Variants in ESRRB observed in about 807,000 individuals in gnomAD.
ESRRB encodes estrogen related receptor beta, also known as steroid hormone receptor ERR2.
ESRRB carries 16 observed loss-of-function variants against 46.0 expected under a neutral mutation model. That is an observed-to-expected ratio of 0.35 (90% CI 0.24 to 0.53). ESRRB has a LOEUF of 0.53. Among genes scored for constraint, ESRRB ranks in the 20% least tolerant of loss-of-function variants. The pLI is 0.93. For missense variants in ESRRB, 488 were observed against 607.4 expected (o/e 0.80, Z 2.07); for synonymous variants, 246 against 259.6 (o/e 0.95, Z 0.50).
intron 1 of ESRRB, among the ~76,000 whole-genome samples, chr14:76,409,388 T>C (rs1017108118): frequency 6.6e-6 from 1 of 152,020 alleles, no homozygotes; most frequent in Admixed American, 6.5e-5. Context: ...GGAGAAAGGA[T>C]GTTATTTGAC....
chr14:76,357,956 T>G (rs754224365), intron 1 of ESRRB, among the ~76,000 whole-genome samples: 3 of 152,018 alleles, frequency 2.0e-5, no homozygotes, highest in Non-Finnish European at 4.4e-5. Context: ...GTAAGTGAGG[T>G]GACTAGGATA....
intron 3 of ESRRB, among the ~76,000 whole-genome samples, chr14:76,462,898 T>C (rs1040638326): frequency 3.9e-5 from 6 of 152,116 alleles, no homozygotes; most frequent in African/African-American, 1.4e-4. Flanking sequence ...TGACCCCACT[T>C]GGGCCCCAGT....
At chr14:76,378,116 A>C (rs935227280) in intron 1 of ESRRB, among the ~76,000 whole-genome samples, 8 of 152,240 alleles carry the variant, frequency 5.3e-5, no homozygotes, top group African/African-American at 1.9e-4. Context: ...ATCAAGTATG[A>C]CAAATATTGG....
chr14:76,404,571 G>A (rs1329527004), intron 1 of ESRRB: 1 of 152,842 alleles, frequency 6.5e-6, no homozygotes, highest in East Asian at 1.9e-4. Flanking sequence ...ATGGCAGTCA[G>A]CGTTGCAGCC....
At chr14:76,344,792 C>T (rs1016048400) in intron 1 of ESRRB, among the ~76,000 whole-genome samples, 2 of 150,198 alleles carry the variant, frequency 1.3e-5, no homozygotes, top group African/African-American at 4.9e-5. Flanking sequence ...GCGGAAGTTG[C>T]AGTGAGCTGA....
At chr14:76,425,712 TTTTG>T (rs1296368639) in intron 1 of ESRRB, among the ~76,000 whole-genome samples, 5 of 152,036 alleles carry the variant, frequency 3.3e-5, no homozygotes, top group African/African-American at 4.8e-5. Context: ...CCTGCTGGTT[TTTTG>T]TTTGTTTTTT....
chr14:76,444,579 C>A (rs1413016153), intron 2 of ESRRB, among the ~76,000 whole-genome samples: 2 of 150,462 alleles, frequency 1.3e-5, no homozygotes, highest in African/African-American at 4.9e-5. Context: ...AGAGATGAGG[C>A]CTTGCTATGT....
chr14:76,451,559 G>A (rs1028364221), intron 2 of ESRRB, among the ~76,000 whole-genome samples: 2 of 152,192 alleles, frequency 1.3e-5, no homozygotes, highest in African/African-American at 4.8e-5. Flanking sequence ...CAATAGGAAC[G>A]ATGATGTGGA....
chr14:76,489,218 T>C (rs1007436150), intron 5 of ESRRB, among the ~76,000 whole-genome samples: 1 of 151,914 alleles, frequency 6.6e-6, no homozygotes, highest in Non-Finnish European at 1.5e-5. Context: ...CTCCAGTCTG[T>C]CTGCTTTTAG....
At chr14:76,332,593 T>TA (rs1555389294) in intron 1 of ESRRB, among the ~76,000 whole-genome samples, 19 of 18,716 alleles carry the variant, frequency 1.0e-3, no homozygotes, top group Non-Finnish European at 1.5e-3. Flanking sequence ...TATTTATATA[T>TA]TATATATTAT....
rs192482645 is a variant in ESRRB at position 76,321,453 on chromosome 14, T to C, written c.2+10537T>C. Among the ~76,000 whole-genome samples, 338 of 152,348 alleles carry C rather than the reference T, an allele frequency of 2.2e-3. 1 individual carries two copies. The highest frequency in any genetic ancestry group is 1.9e-3 in the Non-Finnish European group (132 of 68,026). On this transcript the variant is annotated intron_variant, in intron 1 of 6. Transcript: ENST00000512784. ...TATTATGACTTTAAAGCTTTAAGAA[T>C]TCTTCAGTATCTCTCTTTTGCTCTA... is the stretch of plus-strand genomic sequence containing the variant.
At chr14:76,390,942 C>T (rs1885443228) in intron 1 of ESRRB, among the ~76,000 whole-genome samples, 1 of 152,188 alleles carries the variant, frequency 6.6e-6, no homozygotes, top group Non-Finnish European at 1.5e-5. Flanking sequence ...AGCCAAGCTG[C>T]AGCATGAAGG....
rs138158339 is a variant in ESRRB at position 76,315,464 on chromosome 14, C to T, written c.2+4548C>T. ...CAGACAGCCAGGGTTCAAATCCTGG[C>T]GCTCACCTTTCTCAGTTATGAGACT... On this transcript the variant is annotated intron_variant, in intron 1 of 6. Transcript: ENST00000512784. Among the ~76,000 whole-genome samples, 31 of 152,276 alleles carry T rather than the reference C, an allele frequency of 2.0e-4. No homozygotes were observed. The East Asian group carries it at 4.8e-3, about 24-fold the overall frequency.
rs746940942 is a variant in ESRRB, at chr14:76,500,013, C to A, written c.*1555C>A. 4.5e-6 allele frequency: 7 copies of A among 1,565,814 alleles called. No individual in the cohort carries two copies. Among genetic ancestry groups the A allele is most frequent in the Non-Finnish European group, 6.1e-6 (7 of 1,154,454 alleles). On this transcript the variant is annotated 3_prime_UTR_variant, in exon 7 of 7. Coordinates refer to ENST00000644823, the MANE Select transcript of ESRRB (RefSeq NM_001379180.1). Reference sequence around the variant, plus strand: ...TCCACGCCCTTCTAGTCCAACCCCCCTCAATGAGAGAGGCAGGCAGATCTC... The same window carrying A: ...TCCACGCCCTTCTAGTCCAACCCCCATCAATGAGAGAGGCAGGCAGATCTC...
At chr14:76,378,710 G>A (rs968227378) in intron 1 of ESRRB, among the ~76,000 whole-genome samples, 1 of 152,142 alleles carries the variant, frequency 6.6e-6, no homozygotes, top group Non-Finnish European at 1.5e-5. Context: ...GCGCAGAGGG[G>A]CATCATTTCA....
intron 2 of ESRRB, 120 bp downstream of exon 2, chr14:76,439,870 T>A: frequency 8.9e-7 from 1 of 1,118,440 alleles, no homozygotes; most frequent in Non-Finnish European, 1.3e-6. Flanking sequence ...GTTGGAGCGG[T>A]ACTTCTGTGG....
Position 76,500,052 on chromosome 14 carries a change from A to T in ESRRB, c.*1594A>T. 6.4e-7 allele frequency: 1 copy of T among 1,552,048 alleles called. No individual in the cohort carries two copies. Among genetic ancestry groups the T allele is most frequent in the Non-Finnish European group, 8.7e-7 (1 of 1,146,736 alleles). On this transcript the variant is annotated 3_prime_UTR_variant, in exon 7 of 7. Transcript: ENST00000644823. ...CAGGCAGATCTCACCCAGCACTAGG[A>T]CACCAGGAGGCCAGGTAACTTTCTG...
At chr14:76,428,339 G>C (rs1269761933) in intron 1 of ESRRB, among the ~76,000 whole-genome samples, 2 of 152,002 alleles carry the variant, frequency 1.3e-5, no homozygotes, top group African/African-American at 4.8e-5. Flanking sequence ...TTGATATAGA[G>C]TGAAAATAAA....
In ESRRB at chr14:76,439,541, C is replaced by T. The variant is rs751593912; in HGVS notation, c.251C>T (p.Ala84Val). Reference sequence around the variant, plus strand: ...GGTCTGGACTCGCCACCCATGTTTGCAGGCGCCGGGCTGGGAGGCACCCCA... The same window carrying T: ...GGTCTGGACTCGCCACCCATGTTTGTAGGCGCCGGGCTGGGAGGCACCCCA... Reference protein sequence around the residue: ...ANGLDSPPMFAGAGLGGTPCR... With the variant: ...ANGLDSPPMFVGAGLGGTPCR... Residue 84 changes from alanine to valine, a missense_variant, in exon 2 of 7, where the codon GCA becomes GTA. Transcript: ENST00000644823. 39 of 1,613,700 alleles carry T rather than the reference C, an allele frequency of 2.4e-5. 1 individual carries two copies. The South Asian group carries it at 4.2e-4, about 17-fold the overall frequency.
Sources: allele counts gnomAD v4.1 joint callset (sites outside exome capture counted in the v4.1 genomes callset), GRCh38; gene constraint gnomAD v4.1.1; transcripts MANE v1.5; gene names NCBI Gene and HGNC (gene_info 2026-07-23, HGNC 2026-07-21).